SIK3: variants seen among roughly 807,000 people sequenced by gnomAD.
The protein encoded by SIK3 is SIK family kinase 3.
A neutral mutation model predicts 144.2 loss-of-function variants in SIK3; 28 were observed. The ratio of observed to expected loss-of-function variants is 0.19; its 90% CI spans 0.14 to 0.27. SIK3 has a LOEUF of 0.27. Ranked by LOEUF, SIK3 falls within the 10% of genes least tolerant of loss-of-function variation. The pLI is 1.00. For missense variants in SIK3, 1,319 were observed against 1,776.0 expected, an observed-to-expected ratio of 0.74 and a Z score of 4.62; for synonymous variants, 686 against 676.3, an observed-to-expected ratio of 1.01 and a Z score of -0.22.
intron 1 of SIK3, among the ~76,000 whole-genome samples, chr11:117,019,764 C>T (rs563650372): frequency 2.4e-4 from 37 of 152,166 alleles, no homozygotes; most frequent in African/African-American, 8.7e-4. Context: ...CAGGCGCGTG[C>T]CACCACGCCC....
chr11:116,906,320 C>T (rs1946028004), intron 4 of SIK3, among the ~76,000 whole-genome samples: 1 of 151,900 alleles, frequency 6.6e-6, no homozygotes, highest in South Asian at 2.1e-4. Flanking sequence ...TTAAGGAAAG[C>T]AGAAGTTGGT....
chr11:117,040,729 T>C (rs553532607), intron 1 of SIK3, among the ~76,000 whole-genome samples: 1 of 152,258 alleles, frequency 6.6e-6, no homozygotes, highest in Admixed American at 6.5e-5. Flanking sequence ...TGAATAAACC[T>C]GGGAATGTAG....
At chr11:117,016,487 A>AT (rs1222406136) in intron 1 of SIK3, among the ~76,000 whole-genome samples, 2 of 150,758 alleles carry the variant, frequency 1.3e-5, no homozygotes, top group Admixed American at 1.3e-4. Flanking sequence ...CCCAACACAA[A>AT]TATGTGCTGA....
intron 1 of SIK3, among the ~76,000 whole-genome samples, chr11:117,063,525 T>C (rs1391208612): frequency 2.6e-5 from 4 of 151,858 alleles, no homozygotes; most frequent in South Asian, 2.1e-4. Context: ...CCAATAAAGA[T>C]GTGAGTAAAA....
At chr11:117,097,777 G>A (rs567817011) in intron 1 of SIK3, among the ~76,000 whole-genome samples, 1 of 152,084 alleles carries the variant, frequency 6.6e-6, no homozygotes, top group African/African-American at 2.4e-5. Flanking sequence ...ATTCCCTTAT[G>A]ATTCCCTAGC....
At chr11:117,011,310 G>A (rs988935675) in intron 1 of SIK3, among the ~76,000 whole-genome samples, 2 of 152,146 alleles carry the variant, frequency 1.3e-5, no homozygotes, top group Admixed American at 6.5e-5. Flanking sequence ...CCACAGCGGA[G>A]TGAGAAGGGG....
chr11:116,843,825 G>C lies in SIK3; in HGVS notation c.*1818C>G, dbSNP rs1177753163. 1 of 152,222 alleles carries C rather than the reference G, an allele frequency of 6.6e-6. No homozygotes were observed. 9.4% of individuals were successfully genotyped at this position (152,222 alleles called of 1,614,324 possible). ...TGGTGACCCCACCAAGTGGAGGGGA[G>C]ACTGGGGACCATGGAAACATGGGAC... is the stretch of plus-strand genomic sequence containing the variant. On this transcript the variant is annotated 3_prime_UTR_variant, in exon 25 of 25. Coordinates refer to ENST00000445177, the MANE Select transcript of SIK3 (RefSeq NM_001366686.3).
chr11:116,963,182 A>C (rs931056017), intron 1 of SIK3, among the ~76,000 whole-genome samples: 5 of 152,158 alleles, frequency 3.3e-5, no homozygotes, highest in Admixed American at 3.3e-4. Context: ...ATTTAATTCA[A>C]TTTTTAAAAT....
In SIK3 at chr11:116,876,019, G is replaced by C; in HGVS notation, c.1096-10C>G. On this transcript the variant is annotated splice_polypyrimidine_tract_variant and intron_variant, in intron 8 of 24. Coordinates refer to ENST00000445177, the MANE Select transcript of SIK3 (RefSeq NM_001366686.3). ...CATCTGATCTTAATGACTACCAAGA[G>C]AGAAGGGAAAAGAGTACAAAACCCT... 1 of 1,613,450 alleles carries C rather than the reference G, an allele frequency of 6.2e-7. No individual in the cohort carries two copies. Among genetic ancestry groups the C allele is most frequent in the Non-Finnish European group, 8.5e-7 (1 of 1,179,888 alleles).
At chr11:116,925,505 C>G (rs1195308052) in intron 4 of SIK3, among the ~76,000 whole-genome samples, 1 of 152,224 alleles carries the variant, frequency 6.6e-6, no homozygotes, top group Non-Finnish European at 1.5e-5. Context: ...ACAGCCCTTG[C>G]TGCTGTTTTA....
intron 6 of SIK3, among the ~76,000 whole-genome samples, chr11:116,888,938 C>T (rs1944961989): frequency 6.6e-6 from 1 of 152,102 alleles, no homozygotes; most frequent in Non-Finnish European, 1.5e-5. Context: ...TATCTGAAGC[C>T]GGCTCCGGGA....
At chr11:117,012,193 C>G (rs1951289187) in intron 1 of SIK3, among the ~76,000 whole-genome samples, 1 of 152,082 alleles carries the variant, frequency 6.6e-6, no homozygotes, top group Non-Finnish European at 1.5e-5. Flanking sequence ...AGGCTGGTCT[C>G]GAATTCCCGG....
chr11:116,845,577 T>A lies in SIK3; in HGVS notation c.*66A>T, dbSNP rs1477791604. The A allele has an allele frequency of 6.6e-6, 1 of 152,240 alleles. No homozygotes were observed. Among genetic ancestry groups the A allele is most frequent in the African/African-American group, 2.4e-5 (1 of 41,470 alleles). 9.4% of individuals were successfully genotyped at this position (152,240 alleles called of 1,614,324 possible). ...CAAGGGCAATTTGGCACAACGCTGCTAGATACTGTGGGTTTACAATCAACC... is the reference window on the plus strand; with the variant it reads ...CAAGGGCAATTTGGCACAACGCTGCAAGATACTGTGGGTTTACAATCAACC... On this transcript the variant is annotated 3_prime_UTR_variant, in exon 25 of 25. Transcript: ENST00000445177.
chr11:117,071,782 A>T (rs1422734630), intron 1 of SIK3, among the ~76,000 whole-genome samples: 23 of 105,624 alleles, frequency 2.2e-4, no homozygotes, highest in Admixed American at 5.3e-4. Context: ...TGCTTGGTTA[A>T]TTTTTTTTTT....
intron 1 of SIK3, among the ~76,000 whole-genome samples, chr11:116,961,907 T>C (rs1348688826): frequency 1.3e-5 from 2 of 152,214 alleles, no homozygotes; most frequent in Non-Finnish European, 1.5e-5. Flanking sequence ...ATTTAGATCA[T>C]GCCAAATTTA....
intron 4 of SIK3, among the ~76,000 whole-genome samples, chr11:116,922,932 TTTG>T (rs1947081519): frequency 1.7e-5 from 2 of 118,110 alleles, no homozygotes; most frequent in African/African-American, 7.4e-5. Context: ...TTTTTTTTTT[TTTG>T]AGATGGAGTC....
intron 1 of SIK3, among the ~76,000 whole-genome samples, chr11:116,973,030 A>T (rs1047525215): frequency 1.3e-5 from 2 of 152,166 alleles, no homozygotes; most frequent in African/African-American, 4.8e-5. Flanking sequence ...ATCCTCACTC[A>T]TAAAGCAATT....
chr11:116,902,011 C>T (rs1317226264), intron 4 of SIK3, among the ~76,000 whole-genome samples: 1 of 152,154 alleles, frequency 6.6e-6, no homozygotes, highest in Non-Finnish European at 1.5e-5. Flanking sequence ...GAAAAAAGAT[C>T]CTTAGATTTG....
At chr11:117,089,894 G>A (rs1955169088) in intron 1 of SIK3, among the ~76,000 whole-genome samples, 1 of 152,122 alleles carries the variant, frequency 6.6e-6, no homozygotes, top group African/African-American at 2.4e-5. Flanking sequence ...CTACCTCTTT[G>A]AAAAGCCTAA....
Sources: gnomAD v4.1 joint callset for allele counts (sites outside exome capture counted in the v4.1 genomes callset) on GRCh38, gnomAD v4.1.1 for gene constraint, MANE v1.5 for transcripts, NCBI Gene and HGNC (gene_info 2026-07-23, HGNC 2026-07-21) for gene names.